CNTN1: variants seen among roughly 807,000 people sequenced by gnomAD.
CNTN1 encodes the protein contactin 1.
Under a neutral mutation model 126.4 loss-of-function variants are expected in CNTN1, and 38 were observed. That is an observed-to-expected ratio of 0.30 (90% CI 0.23 to 0.39). CNTN1 has a LOEUF of 0.39. Among genes scored for constraint, CNTN1 ranks in the 10% least tolerant of loss-of-function variants. The probability of loss-of-function intolerance (pLI) is 1.00; values close to 1 mark genes in which losing one functional copy is unlikely to be tolerated. For synonymous variants in CNTN1, 413 were observed against 422.6 expected (o/e 0.98, Z 0.28); for missense variants, 1,009 against 1,248.4 (o/e 0.81, Z 2.89).
At chr12:40,804,578 T>G in intron 1 of CNTN1, among the ~76,000 whole-genome samples, 1 of 151,844 alleles carries the variant, frequency 6.6e-6, no homozygotes, top group East Asian at 1.9e-4. Flanking sequence ...GGTTGATGGA[T>G]AGAGGGGAGG....
chr12:40,955,751 G>A (rs556732138), intron 14 of CNTN1, among the ~76,000 whole-genome samples: 10 of 152,088 alleles, frequency 6.6e-5, no homozygotes, highest in South Asian at 4.1e-4. Flanking sequence ...ACACGATTAC[G>A]GTAGAAAGGA....
chr12:40,771,760 C>A (rs1939343552), intron 1 of CNTN1, among the ~76,000 whole-genome samples: 1 of 151,554 alleles, frequency 6.6e-6, no homozygotes. Context: ...ATGAGGTGTC[C>A]AAAAAATAAA....
At chr12:40,711,712 C>T (rs535907527) in intron 1 of CNTN1, among the ~76,000 whole-genome samples, 1 of 151,656 alleles carries the variant, frequency 6.6e-6, no homozygotes, top group East Asian at 1.9e-4. Context: ...ACTCTTCCAC[C>T]TTTTCTTCTT....
At chr12:41,064,966 C>G (rs916444115) in intron 23 of CNTN1, among the ~76,000 whole-genome samples, 2 of 152,178 alleles carry the variant, frequency 1.3e-5, no homozygotes, top group Non-Finnish European at 2.9e-5. Context: ...TTGCCTGTTT[C>G]CAGAACGTCT....
At chr12:40,804,687 A>C (rs77882057) in intron 1 of CNTN1, among the ~76,000 whole-genome samples, 1 of 151,966 alleles carries the variant, frequency 6.6e-6, no homozygotes, top group Non-Finnish European at 1.5e-5. Flanking sequence ...ATCTCAGGGT[A>C]ACTGGAGCAC....
chr12:40,988,177 G>A (rs1339066745), intron 16 of CNTN1, among the ~76,000 whole-genome samples: 1 of 152,110 alleles, frequency 6.6e-6, no homozygotes, highest in Non-Finnish European at 1.5e-5. Flanking sequence ...TGTAACATAA[G>A]ACTGAGTAGG....
At chr12:40,821,549 T>C (rs928035247) in intron 1 of CNTN1, among the ~76,000 whole-genome samples, 9 of 152,174 alleles carry the variant, frequency 5.9e-5, no homozygotes, top group Non-Finnish European at 8.8e-5. Context: ...TAAATTGCAA[T>C]TAGCTCATTT....
At chr12:40,950,957 CAT>C (rs201239947) in intron 14 of CNTN1, among the ~76,000 whole-genome samples, 1 of 151,330 alleles carries the variant, frequency 6.6e-6, no homozygotes, top group Admixed American at 6.6e-5. Context: ...TGGAATTAAG[CAT>C]ATATATATAA....
chr12:40,927,675 A>AT (rs1163663255), intron 6 of CNTN1, among the ~76,000 whole-genome samples: 1 of 152,130 alleles, frequency 6.6e-6, no homozygotes, highest in Non-Finnish European at 1.5e-5. Flanking sequence ...GATTAATTAT[A>AT]TTGCAAGTCC....
At chr12:40,784,462 G>T (rs546825465) in intron 1 of CNTN1, among the ~76,000 whole-genome samples, 3 of 152,124 alleles carry the variant, frequency 2.0e-5, no homozygotes, top group Non-Finnish European at 4.4e-5. Context: ...AGATTATATC[G>T]AGGGTTCTCT....
chr12:40,952,358 T>C (rs1401677880), intron 14 of CNTN1, among the ~76,000 whole-genome samples: 2 of 152,128 alleles, frequency 1.3e-5, no homozygotes, highest in African/African-American at 4.8e-5. Context: ...TATGAAATTA[T>C]AAATATAATT....
At chr12:40,760,429 AC>A (rs1298373358) in intron 1 of CNTN1, among the ~76,000 whole-genome samples, 7 of 151,928 alleles carry the variant, frequency 4.6e-5, no homozygotes, top group Non-Finnish European at 1.0e-4. Context: ...TACAATACAA[AC>A]ACTGCTACCA....
At chr12:40,940,346 G>A (rs1387016315) in intron 12 of CNTN1, among the ~76,000 whole-genome samples, 8 of 152,092 alleles carry the variant, frequency 5.3e-5, no homozygotes. Context: ...GACATAGTAA[G>A]CCACATCATA....
intron 21 of CNTN1, 147 bp downstream of exon 21, chr12:41,025,483 C>T (rs1235602874): frequency 4.0e-6 from 3 of 758,616 alleles, no homozygotes; most frequent in East Asian, 2.6e-5. Flanking sequence ...TCCCTTAAAA[C>T]GTGAATTATT....
intron 15 of CNTN1, among the ~76,000 whole-genome samples, chr12:40,965,159 T>C (rs773469458): frequency 6.6e-6 from 1 of 152,164 alleles, no homozygotes; most frequent in Non-Finnish European, 1.5e-5. Context: ...CTATATGAAA[T>C]CTCTGCATTT....
chr12:40,922,089 C>T (rs1452857240), intron 4 of CNTN1, among the ~76,000 whole-genome samples, 167 bp from the exon 5 acceptor site: 5 of 152,102 alleles, frequency 3.3e-5, no homozygotes, highest in South Asian at 2.1e-4. Context: ...AAATTATGGT[C>T]CTAGAGACTC....
chr12:40,811,396 G>A (rs1287309970), intron 1 of CNTN1, among the ~76,000 whole-genome samples: 1 of 152,036 alleles, frequency 6.6e-6, no homozygotes, highest in Non-Finnish European at 1.5e-5. Flanking sequence ...ATCTGGCTTT[G>A]GTATAAGGAT....
At chr12:40,844,211 G>C (rs546822236) in intron 1 of CNTN1, among the ~76,000 whole-genome samples, 65 of 151,814 alleles carry the variant, frequency 4.3e-4, no homozygotes, top group African/African-American at 1.6e-3. Flanking sequence ...GGGTCTACAG[G>C]CATGCGCCAC....
At chr12:40,859,883 A>C (rs1040852214) in intron 1 of CNTN1, among the ~76,000 whole-genome samples, 4 of 152,156 alleles carry the variant, frequency 2.6e-5, no homozygotes, top group African/African-American at 9.6e-5. Flanking sequence ...AAACTTTTCT[A>C]CTTTCAACAT....
Sources: gnomAD v4.1 joint callset for allele counts (sites outside exome capture counted in the v4.1 genomes callset) on GRCh38, gnomAD v4.1.1 for gene constraint, MANE v1.5 for transcripts, NCBI Gene and HGNC (gene_info 2026-07-23, HGNC 2026-07-21) for gene names.